The following CNTN5 variants were observed in gnomAD, a reference collection of about 807,000 sequenced individuals.
CNTN5 encodes the protein contactin 5, also known as contactin-5.
In CNTN5, 77 loss-of-function variants were observed where a neutral mutation model predicts 129.1. The ratio of observed to expected loss-of-function variants is 0.60; its 90% CI spans 0.50 to 0.72. The LOEUF is 0.72. Ranked by LOEUF, CNTN5 falls within the 30% of genes least tolerant of loss-of-function variation. The pLI is 0.00. For missense variants in CNTN5, 1,478 were observed against 1,328.8 expected (o/e 1.11, Z -1.75); for synonymous variants, 509 against 465.6 (o/e 1.09, Z -1.20).
intron 16 of CNTN5, among the ~76,000 whole-genome samples, chr11:100,226,398 G>C (rs1949378716): frequency 6.6e-6 from 1 of 152,090 alleles, no homozygotes. Flanking sequence ...ACTATAGGGG[G>C]TAAATTTAAG....
intron 7 of CNTN5, among the ~76,000 whole-genome samples, chr11:99,952,418 T>C (rs1295001524): frequency 6.6e-6 from 1 of 152,170 alleles, no homozygotes; most frequent in African/African-American, 2.4e-5. Flanking sequence ...TTTGTAAATA[T>C]TAAAATGCTC....
intron 2 of CNTN5, among the ~76,000 whole-genome samples, chr11:99,447,827 AG>A (rs1253253208): frequency 6.6e-6 from 1 of 152,172 alleles, no homozygotes; most frequent in African/African-American, 2.4e-5. Flanking sequence ...TGGGAGGCTG[AG>A]GCAGGAGAAT....
At chr11:99,209,807 C>G (rs1212067446) in intron 1 of CNTN5, among the ~76,000 whole-genome samples, 1 of 152,104 alleles carries the variant, frequency 6.6e-6, no homozygotes, top group Non-Finnish European at 1.5e-5. Context: ...ACACTAAATT[C>G]TAGATCAGAA....
intron 1 of CNTN5, among the ~76,000 whole-genome samples, chr11:99,057,788 G>GTGTC (rs1864688269): frequency 7.3e-6 from 1 of 137,694 alleles, no homozygotes; most frequent in Non-Finnish European, 1.5e-5. Context: ...AAACATAAGT[G>GTGTC]TGTGTGTGTG....
chr11:99,540,470 A>G (rs542450742), intron 2 of CNTN5, among the ~76,000 whole-genome samples: 52 of 152,184 alleles, frequency 3.4e-4, no homozygotes, highest in Non-Finnish European at 6.2e-4. Flanking sequence ...TCAGATCAGG[A>G]GACACACTCA....
chr11:99,932,428 G>T (rs1950213926), intron 7 of CNTN5, among the ~76,000 whole-genome samples: 1 of 151,984 alleles, frequency 6.6e-6, no homozygotes, highest in South Asian at 2.1e-4. Flanking sequence ...CCTGACCTCA[G>T]GTGATCGACC....
intron 10 of CNTN5, among the ~76,000 whole-genome samples, chr11:100,069,448 C>G (rs1454722761): frequency 1.3e-5 from 2 of 152,134 alleles, no homozygotes; most frequent in African/African-American, 2.4e-5. Context: ...AGCACCGTCC[C>G]AGGTCCAACG....
chr11:99,611,607 C>G (rs983171135), intron 3 of CNTN5, among the ~76,000 whole-genome samples: 2 of 152,076 alleles, frequency 1.3e-5, no homozygotes, highest in African/African-American at 4.8e-5. Flanking sequence ...AATCAGTAGT[C>G]CTATTCAATA....
At chr11:99,527,840 T>C (rs2515376) in intron 2 of CNTN5, among the ~76,000 whole-genome samples, 50,843 of 151,962 alleles carry the variant, frequency 0.33, 9,022 homozygotes, top group Middle Eastern at 0.5. Context: ...AAACAAGAGT[T>C]GCAGGATCTA....
At chr11:100,086,382 TA>T (rs1383488932) in intron 13 of CNTN5, among the ~76,000 whole-genome samples, 5 of 147,136 alleles carry the variant, frequency 3.4e-5, no homozygotes, top group African/African-American at 5.0e-5. Flanking sequence ...ATCAAAACAA[TA>T]AAAAAAAAGA....
intron 14 of CNTN5, among the ~76,000 whole-genome samples, chr11:100,193,181 CTT>C (rs540866995): frequency 1.3e-5 from 2 of 151,812 alleles, no homozygotes; most frequent in African/African-American, 4.8e-5. Flanking sequence ...ACAGCCTCTT[CTT>C]TTTTTCTAAT....
chr11:99,833,168 A>G (rs1947199479), intron 4 of CNTN5, among the ~76,000 whole-genome samples: 1 of 152,184 alleles, frequency 6.6e-6, no homozygotes, highest in South Asian at 2.1e-4. Context: ...ATGTCTTGAT[A>G]TGAAGGAAGT....
chr11:99,934,316 C>T (rs1950258316), intron 7 of CNTN5, among the ~76,000 whole-genome samples: 1 of 152,174 alleles, frequency 6.6e-6, no homozygotes, highest in African/African-American at 2.4e-5. Flanking sequence ...TCAGCTATAT[C>T]TTTACAGTTT....
intron 3 of CNTN5, among the ~76,000 whole-genome samples, chr11:99,742,729 T>A (rs913740767): frequency 1.1e-4 from 16 of 152,218 alleles, no homozygotes; most frequent in Admixed American, 5.9e-4. Context: ...TCCTAAAATC[T>A]GTCATCCTGC....
At chr11:100,014,004 A>G (rs770577) in intron 9 of CNTN5, among the ~76,000 whole-genome samples, 91,062 of 151,928 alleles carry the variant, frequency 0.6, 28,128 homozygotes, top group East Asian at 0.93. Context: ...AGCTAAGAGA[A>G]CAACAAACTT....
intron 2 of CNTN5, among the ~76,000 whole-genome samples, chr11:99,402,113 A>T (rs1050387390): frequency 1.3e-5 from 2 of 152,144 alleles, no homozygotes; most frequent in African/African-American, 2.4e-5. Flanking sequence ...GTAGGGAATA[A>T]CAGTGATCAT....
chr11:99,324,953 A>G (rs1865721042), intron 1 of CNTN5, among the ~76,000 whole-genome samples: 2 of 152,146 alleles, frequency 1.3e-5, no homozygotes, highest in South Asian at 4.1e-4. Context: ...AAATTCTTAA[A>G]TAAAATAAAT....
At chr11:99,503,986 AT>A (rs1207319400) in intron 2 of CNTN5, among the ~76,000 whole-genome samples, 1 of 152,114 alleles carries the variant, frequency 6.6e-6, no homozygotes, top group African/African-American at 2.4e-5. Flanking sequence ...ACTTTTTAAT[AT>A]TCATTTTTTG....
chr11:99,224,847 C>T (rs1860593905), intron 1 of CNTN5, among the ~76,000 whole-genome samples: 1 of 151,724 alleles, frequency 6.6e-6, no homozygotes, highest in African/African-American at 2.4e-5. Flanking sequence ...ACAACCCATC[C>T]CTTGGGTCTG....
Sources: gnomAD v4.1 joint callset for allele counts (sites outside exome capture counted in the v4.1 genomes callset) on GRCh38, gnomAD v4.1.1 for gene constraint, MANE v1.5 for transcripts, NCBI Gene and HGNC (gene_info 2026-07-23, HGNC 2026-07-21) for gene names.